The following ARID5B variants were observed in gnomAD, a reference collection of about 807,000 sequenced individuals.
ARID5B encodes AT-rich interactive domain-containing protein 5B.
ARID5B carries 13 observed loss-of-function variants against 97.2 expected under a neutral mutation model. The observed-to-expected ratio is 0.13, with a 90% CI of 0.09 to 0.21. The LOEUF (loss-of-function observed/expected upper bound fraction) is 0.21. Ranked by LOEUF, ARID5B falls within the 10% of genes least tolerant of loss-of-function variation. The probability of loss-of-function intolerance (pLI) is 1.00; values close to 1 mark genes in which losing one functional copy is unlikely to be tolerated. For synonymous variants in ARID5B, 556 were observed against 570.3 expected (o/e 0.97, Z 0.36); for missense variants, 1,210 against 1,465.3 (o/e 0.83, Z 2.84).
At position 62,065,432 on chromosome 10, in the gene ARID5B, C is replaced by T. The variant is rs141985614; in HGVS notation, c.1102-4268C>T. ...CATATCTCTGCACAGGCATAGTGCC[C>T]GAAAATGGTAAGCATTGGTGGATGG... On this transcript the variant is annotated intron_variant, in intron 7 of 9. Transcript: ENST00000279873. Among the ~76,000 whole-genome samples the T allele has an allele frequency of 9.6e-4, 146 of 152,214 alleles. 2 individuals carry two copies. The highest frequency in any genetic ancestry group is 3.3e-3 in the African/African-American group (136 of 41,500).
intron 3 of ARID5B, among the ~76,000 whole-genome samples, chr10:61,956,813 A>C (rs1437018473): frequency 1.3e-5 from 2 of 152,232 alleles, no homozygotes; most frequent in Non-Finnish European, 2.9e-5. Flanking sequence ...ATAAAAATGT[A>C]AGTAAAAAAT....
chr10:61,993,120 T>TACACACAC (rs35119824), intron 3 of ARID5B, among the ~76,000 whole-genome samples: 9 of 148,040 alleles, frequency 6.1e-5, no homozygotes, highest in African/African-American at 2.0e-4. Context: ...GGAAGGGAGA[T>TACACACAC]ACACACACAC....
chr10:62,084,373 G>C (rs1247256925), intron 8 of ARID5B, among the ~76,000 whole-genome samples: 2 of 152,156 alleles, frequency 1.3e-5, no homozygotes, highest in South Asian at 4.1e-4. Context: ...AACATAGATA[G>C]AAACCAATTT....
intron 7 of ARID5B, among the ~76,000 whole-genome samples, chr10:62,062,847 G>C (rs946311024): frequency 4.4e-4 from 65 of 149,320 alleles, no homozygotes; most frequent in Non-Finnish European, 7.8e-4. Context: ...TTTTACAAGC[G>C]AGAAAACTGA....
rs1430731870 is a variant in ARID5B, at chr10:62,029,638, A to G, written c.734-21250A>G. 2.0e-5 allele frequency among the ~76,000 whole-genome samples: 3 copies of G among 152,366 alleles called. No individual in the cohort carries two copies. The East Asian group carries it at 5.8e-4, about 29-fold the overall frequency. On this transcript the variant is annotated intron_variant, in intron 4 of 9. Coordinates refer to ENST00000279873, the MANE Select transcript of ARID5B (RefSeq NM_032199.3). ...TGTCTGTAGGAACCACAGAGTGGAA[A>G]GAGTATATAATCAGCCTAGTTTTGC...
intron 3 of ARID5B, among the ~76,000 whole-genome samples, chr10:61,946,325 CAA>C (rs1337982046): frequency 6.6e-6 from 1 of 151,988 alleles, no homozygotes; most frequent in Non-Finnish European, 1.5e-5. Context: ...TTGAAGAAAA[CAA>C]TATAAATGTC....
At position 62,093,564 on chromosome 10, in the gene ARID5B, A is replaced by G. The variant is rs1284038045; in HGVS notation, c.*534A>G. ...GTAAACACTGTTAAATTGACTGTATATATTTGCTTCTTAAAACTACCTGTA... is the reference window on the plus strand; with the variant it reads ...GTAAACACTGTTAAATTGACTGTATGTATTTGCTTCTTAAAACTACCTGTA... On this transcript the variant is annotated 3_prime_UTR_variant, in exon 10 of 10. Coordinates refer to ENST00000279873, the MANE Select transcript of ARID5B (RefSeq NM_032199.3). The G allele has an allele frequency of 4.3e-6, 1 of 231,682 alleles. No individual in the cohort carries two copies. The highest frequency in any genetic ancestry group is 8.5e-6 in the Non-Finnish European group (1 of 117,856). 14.4% of individuals were successfully genotyped at this position (231,682 alleles called of 1,614,324 possible). A position where few individuals can be genotyped will look rare whatever the true frequency, so the allele number is the denominator to read the frequency against.
intron 2 of ARID5B, among the ~76,000 whole-genome samples, chr10:61,904,915 G>A (rs1016722385): frequency 1.3e-5 from 2 of 152,210 alleles, no homozygotes; most frequent in Non-Finnish European, 2.9e-5. Flanking sequence ...CCTGGCCTAA[G>A]TTAGTCATTC....
intron 3 of ARID5B, among the ~76,000 whole-genome samples, chr10:61,973,921 G>A (rs1036739959): frequency 4.6e-5 from 7 of 152,254 alleles, no homozygotes; most frequent in African/African-American, 1.2e-4. Context: ...TTATAAAATC[G>A]AGTTTAGTCA....
At chr10:62,038,370 TAA>T (rs145509701) in intron 4 of ARID5B, among the ~76,000 whole-genome samples, 11 of 142,232 alleles carry the variant, frequency 7.7e-5, no homozygotes, top group Admixed American at 1.4e-4. Context: ...GTTCCTTATT[TAA>T]AAAAAAAAAA....
At chr10:62,061,425 A>G (rs1197110636) in intron 7 of ARID5B, among the ~76,000 whole-genome samples, 3 of 152,172 alleles carry the variant, frequency 2.0e-5, no homozygotes, top group Non-Finnish European at 2.9e-5. Context: ...CATAAAATAG[A>G]GTGATGAGGT....
At chr10:62,065,832 T>G in intron 7 of ARID5B, among the ~76,000 whole-genome samples, 1 of 108,316 alleles carries the variant, frequency 9.2e-6, no homozygotes, top group Non-Finnish European at 1.8e-5. Context: ...GGCGACAGAG[T>G]GAGACTCTGT....
chr10:61,933,516 A>G lies in ARID5B; in HGVS notation c.277-6667A>G, dbSNP rs150739033. 1.5e-3 allele frequency among the ~76,000 whole-genome samples: 228 copies of G among 152,364 alleles called. 2 individuals carry two copies. Among genetic ancestry groups the G allele is most frequent in the Admixed American group, 5.0e-3 (76 of 15,306 alleles). ...TAGCTTCATAAAGTATATTTCTTAT[A>G]TAATGATACTCGTAAGTCAAAGTTA... On this transcript the variant is annotated intron_variant, in intron 2 of 9. Transcript: ENST00000279873.
chr10:62,001,561 A>C (rs781280534), intron 4 of ARID5B, among the ~76,000 whole-genome samples: 1 of 152,176 alleles, frequency 6.6e-6, no homozygotes. Context: ...TTGATTCTTC[A>C]TGATTCCAAC....
Position 62,032,405 on chromosome 10 carries a change from G to C in ARID5B, c.734-18483G>C, listed in dbSNP as rs1380342439. Reference sequence around the variant, plus strand: ...GTGCTACCCCAACTGGACTAGCACAGTGTCAGACATCTGATGGCAGTTTAA... The same window carrying C: ...GTGCTACCCCAACTGGACTAGCACACTGTCAGACATCTGATGGCAGTTTAA... On this transcript the variant is annotated intron_variant, in intron 4 of 9. Transcript: ENST00000279873. 6.6e-5 allele frequency among the ~76,000 whole-genome samples: 10 copies of C among 152,336 alleles called. No individual in the cohort carries two copies. In the East Asian group the frequency reaches 1.9e-3, roughly 29 times the overall value.
chr10:61,997,769 A>G (rs911495073), intron 3 of ARID5B, among the ~76,000 whole-genome samples: 1 of 152,168 alleles, frequency 6.6e-6, no homozygotes, highest in African/African-American at 2.4e-5. Context: ...TAATAATACA[A>G]TTGACACATT....
At chr10:61,985,703 A>T (rs567763916) in intron 3 of ARID5B, among the ~76,000 whole-genome samples, 1 of 152,290 alleles carries the variant, frequency 6.6e-6, no homozygotes, top group Admixed American at 6.5e-5. Context: ...TTTTGAGGAT[A>T]CAATGGGTGC....
chr10:62,042,268 T>C (rs1256606238), intron 4 of ARID5B, among the ~76,000 whole-genome samples: 1 of 152,202 alleles, frequency 6.6e-6, no homozygotes, highest in Non-Finnish European at 1.5e-5. Context: ...TGAAACAACA[T>C]GCTTATTCTC....
intron 5 of ARID5B, among the ~76,000 whole-genome samples, chr10:62,052,272 T>C (rs1241884458): frequency 6.6e-6 from 1 of 152,230 alleles, no homozygotes; most frequent in Non-Finnish European, 1.5e-5. Context: ...TTCTTGTAAG[T>C]TGGACACCTC....
Sources: allele counts gnomAD v4.1 joint callset (sites outside exome capture counted in the v4.1 genomes callset), GRCh38; gene constraint gnomAD v4.1.1; transcripts MANE v1.5; gene names NCBI Gene and HGNC (gene_info 2026-07-23, HGNC 2026-07-21).